The following OPHN1 variants were observed in gnomAD, a reference collection of about 807,000 sequenced individuals.
OPHN1 encodes oligophrenin 1, also known as oligophrenin-1.
A neutral mutation model predicts 60.7 loss-of-function variants in OPHN1; 11 were observed. The ratio of observed to expected loss-of-function variants is 0.18; its 90% CI spans 0.11 to 0.30. The LOEUF (loss-of-function observed/expected upper bound fraction) is 0.30, where lower values mean the gene tolerates loss of function less well. Among genes scored for constraint, OPHN1 ranks in the 10% least tolerant of loss-of-function variants. The probability of loss-of-function intolerance (pLI) is 1.00; values close to 1 mark genes in which losing one functional copy is unlikely to be tolerated. For missense variants in OPHN1, 449 were observed against 611.0 expected (o/e 0.73, Z 2.80); for synonymous variants, 226 against 222.6 (o/e 1.02, Z -0.14).
chrX:68,123,428 C>T (rs1246852806), intron 15 of OPHN1, among the ~76,000 whole-genome samples: 2 of 111,613 alleles, frequency 1.8e-5, no homozygotes, highest in Non-Finnish European at 3.8e-5. Flanking sequence ...CAGAAAAACA[C>T]AGAATATTAT....
At chrX:68,352,714 AG>A (rs2078419391) in intron 2 of OPHN1, among the ~76,000 whole-genome samples, 1 of 112,238 alleles carries the variant, frequency 8.9e-6, no homozygotes, top group Non-Finnish European at 1.9e-5. Context: ...AGAACTAGAA[AG>A]GGTTTTACTT....
Position 68,206,689 on chromosome X carries a change from A to T in OPHN1, c.833-16T>A, listed in dbSNP as rs1326243068. 9.1e-7 allele frequency: 1 copy of T among 1,098,227 alleles called. No individual in the cohort carries two copies. Among genetic ancestry groups the T allele is most frequent in the African/African-American group, 1.8e-5 (1 of 55,051 alleles). 90.5% of individuals were successfully genotyped at this position (1,098,227 alleles called of 1,213,427 possible). A position where few individuals can be genotyped will look rare whatever the true frequency, so the allele number is the denominator to read the frequency against. On this transcript the variant is annotated splice_polypyrimidine_tract_variant and intron_variant, in intron 9 of 24. Coordinates refer to ENST00000355520, the MANE Select transcript of OPHN1 (RefSeq NM_002547.3). ...CCTAAAGCCCCTACAAGGACAAGTA[A>T]AAGTGAGCAGACAGAATAACTATTT...
intron 5 of OPHN1, among the ~76,000 whole-genome samples, chrX:68,261,772 A>T (rs1056009110): frequency 9.8e-5 from 11 of 111,924 alleles, no homozygotes; most frequent in African/African-American, 2.9e-4. Context: ...CCAATATAAG[A>T]TATGTCAAAA....
intron 6 of OPHN1, among the ~76,000 whole-genome samples, chrX:68,220,545 A>G (rs1278713618): frequency 1.0e-5 from 1 of 95,495 alleles, no homozygotes; most frequent in Non-Finnish European, 2.1e-5. Context: ...AAATACTGGC[A>G]AAACGAATCC....
At chrX:68,238,750 T>C (rs977256434) in intron 5 of OPHN1, among the ~76,000 whole-genome samples, 1 of 111,457 alleles carries the variant, frequency 9.0e-6, no homozygotes, top group African/African-American at 3.3e-5. Flanking sequence ...GGTGCCCCTC[T>C]GCTCAAACCT....
chrX:68,150,024 T>C (rs997493783), intron 15 of OPHN1, among the ~76,000 whole-genome samples: 3 of 111,853 alleles, frequency 2.7e-5, no homozygotes, highest in Non-Finnish European at 3.8e-5. Flanking sequence ...ATAAACATTA[T>C]GCTCAGTGAA....
chrX:68,402,850 C>G (rs2078722294), intron 2 of OPHN1, among the ~76,000 whole-genome samples: 1 of 111,730 alleles, frequency 9.0e-6, no homozygotes, highest in Non-Finnish European at 1.9e-5. Context: ...CAACTAAACT[C>G]TAGGGAGATA....
intron 24 of OPHN1, 137 bp downstream of exon 24, chrX:68,048,279 T>C (rs1467205504): frequency 1.2e-5 from 6 of 518,473 alleles, no homozygotes; most frequent in East Asian, 3.7e-5. Context: ...CAGGCAGTGA[T>C]AGAGTAATGA....
chrX:68,333,379 G>A (rs747107697), intron 2 of OPHN1, among the ~76,000 whole-genome samples: 2 of 110,997 alleles, frequency 1.8e-5, no homozygotes, highest in Non-Finnish European at 3.8e-5. Context: ...GCTCACGCCT[G>A]TAATCCCAGC....
intron 15 of OPHN1, among the ~76,000 whole-genome samples, chrX:68,186,220 TTGATA>T: frequency 9.0e-6 from 1 of 111,616 alleles, no homozygotes; most frequent in Non-Finnish European, 1.9e-5. Context: ...TCCCTACCAC[TTGATA>T]CAATATCTGG....
intron 3 of OPHN1, among the ~76,000 whole-genome samples, chrX:68,293,576 T>A (rs1053651735): frequency 1.8e-5 from 2 of 112,016 alleles, no homozygotes; most frequent in Admixed American, 9.4e-5. Context: ...AACAACCCAC[T>A]AAAACCCCAT....
chrX:68,262,346 A>T (rs1406265388), intron 5 of OPHN1, among the ~76,000 whole-genome samples: 3 of 112,642 alleles, frequency 2.7e-5, no homozygotes, highest in Non-Finnish European at 3.7e-5. Context: ...TTTTATTTTT[A>T]AAAATATGTC....
rs371066187 is a variant in OPHN1, at chrX:68,379,284, C to A, written c.154+53583G>T. ...TGATTTTTGCACATTGATTTTGTAT[C>A]CTGAGACTTTGCTGAAGTTGCCTAT... On this transcript the variant is annotated intron_variant, in intron 2 of 24. Transcript: ENST00000355520. Among the ~76,000 whole-genome samples, 14 of 111,703 alleles carry A rather than the reference C, an allele frequency of 1.3e-4. 1 individual carries two copies. In the Middle Eastern group the frequency reaches 0.014, roughly 110 times the overall value.
At chrX:68,389,334 G>A (rs939889195) in intron 2 of OPHN1, among the ~76,000 whole-genome samples, 8 of 108,662 alleles carry the variant, frequency 7.4e-5, no homozygotes, top group Non-Finnish European at 1.1e-4. Flanking sequence ...TTGTGAGGCC[G>A]AGGCAGGCAG....
intron 4 of OPHN1, among the ~76,000 whole-genome samples, chrX:68,278,574 T>A (rs971938405): frequency 8.8e-6 from 1 of 113,214 alleles, no homozygotes; most frequent in African/African-American, 3.2e-5. Flanking sequence ...GAATCTTTGA[T>A]GGTAAATGAA....
chrX:68,350,522 CCCTCCCTT>C (rs1234048524), intron 2 of OPHN1, among the ~76,000 whole-genome samples: 1 of 86,324 alleles, frequency 1.2e-5, no homozygotes, highest in Non-Finnish European at 2.2e-5. Flanking sequence ...CTCCCTCCCT[CCCTCCCTT>C]CCTCCCTTCC....
At chrX:68,241,755 A>G (rs1420215152) in intron 5 of OPHN1, among the ~76,000 whole-genome samples, 1 of 111,173 alleles carries the variant, frequency 9.0e-6, no homozygotes, top group Non-Finnish European at 1.9e-5. Context: ...CCCTGTCTCT[A>G]TTAAAAATAC....
At chrX:68,137,367 T>G (rs1471739140) in intron 15 of OPHN1, among the ~76,000 whole-genome samples, 1 of 111,968 alleles carries the variant, frequency 8.9e-6, no homozygotes, top group East Asian at 2.8e-4. Flanking sequence ...TAAATGTAAT[T>G]ATTTTTCTGA....
intron 19 of OPHN1, among the ~76,000 whole-genome samples, chrX:68,089,365 C>T: frequency 9.0e-6 from 1 of 111,579 alleles, no homozygotes; most frequent in Non-Finnish European, 1.9e-5. Flanking sequence ...ATTCTATATT[C>T]TTCCCCACCC....
Sources: gnomAD v4.1 joint callset for allele counts (sites outside exome capture counted in the v4.1 genomes callset) on GRCh38, gnomAD v4.1.1 for gene constraint, MANE v1.5 for transcripts, NCBI Gene and HGNC (gene_info 2026-07-23, HGNC 2026-07-21) for gene names.